The following GATAD2A variants were observed in gnomAD, a reference collection of about 807,000 sequenced individuals.
GATAD2A encodes the protein transcriptional repressor p66-alpha.
A neutral mutation model predicts 68.5 loss-of-function variants in GATAD2A; 12 were observed. The observed-to-expected ratio is 0.18, with a 90% CI of 0.11 to 0.28. The LOEUF is 0.28. GATAD2A is among the 10% of genes least tolerant of loss of function. The probability of loss-of-function intolerance (pLI) is 1.00; values close to 1 mark genes in which losing one functional copy is unlikely to be tolerated. For synonymous variants in GATAD2A, 410 were observed against 375.3 expected, an observed-to-expected ratio of 1.09 and a Z score of -1.07; for missense variants, 755 against 868.5, an observed-to-expected ratio of 0.87 and a Z score of 1.64.
chr19:19,438,008 T>A (rs190783494), intron 1 of GATAD2A, among the ~76,000 whole-genome samples: 191 of 152,322 alleles, frequency 1.3e-3, no homozygotes, highest in Non-Finnish European at 2.0e-3. Flanking sequence ...CAGACTGTTA[T>A]CCATGGCGCC....
chr19:19,429,338 G>A (rs886605739), intron 1 of GATAD2A: 7 of 574,136 alleles, frequency 1.2e-5, no homozygotes, highest in South Asian at 1.5e-4. Context: ...CCATGGGAAC[G>A]GTGCGTGCAA....
At chr19:19,407,308 C>G (rs1454188045) in intron 1 of GATAD2A, among the ~76,000 whole-genome samples, 1 of 152,210 alleles carries the variant, frequency 6.6e-6, no homozygotes, top group Non-Finnish European at 1.5e-5. Flanking sequence ...TTTGTCAGAC[C>G]TGACCACAAG....
chr19:19,462,325 C>G (rs1475650892), intron 1 of GATAD2A, among the ~76,000 whole-genome samples: 1 of 152,236 alleles, frequency 6.6e-6, no homozygotes, highest in Non-Finnish European at 1.5e-5. Context: ...TGGCCAGTAG[C>G]AGGCCCTGCG....
At chr19:19,450,504 G>T (rs1274772562) in intron 1 of GATAD2A, among the ~76,000 whole-genome samples, 2 of 152,092 alleles carry the variant, frequency 1.3e-5, no homozygotes. Context: ...AATTGGATGT[G>T]TGCTGCTCAT....
At chr19:19,452,491 T>C (rs571789680) in intron 1 of GATAD2A, among the ~76,000 whole-genome samples, 20 of 152,226 alleles carry the variant, frequency 1.3e-4, no homozygotes, top group African/African-American at 4.6e-4. Flanking sequence ...CATCAGCCTC[T>C]CAACCAGGCA....
At chr19:19,493,823 C>T (rs1271049566) in intron 4 of GATAD2A, among the ~76,000 whole-genome samples, 1 of 142,696 alleles carries the variant, frequency 7.0e-6, no homozygotes, top group African/African-American at 2.6e-5. Flanking sequence ...ATTTCTTTGT[C>T]ACTTGTCGAA....
chr19:19,495,717 C>T (rs759137419), intron 5 of GATAD2A, 37 bp from the exon 6 acceptor site: 16 of 1,574,462 alleles, frequency 1.0e-5, no homozygotes, highest in Non-Finnish European at 1.3e-5. Context: ...TGGGGGGGTC[C>T]GGTCCATGTA....
At chr19:19,393,034 G>A (rs1163797690) in intron 1 of GATAD2A, among the ~76,000 whole-genome samples, 2 of 152,182 alleles carry the variant, frequency 1.3e-5, no homozygotes, top group African/African-American at 2.4e-5. Context: ...GGCCAGGTGC[G>A]GTGGCTTACG....
At chr19:19,444,668 T>G (rs1017570278) in intron 1 of GATAD2A, among the ~76,000 whole-genome samples, 2 of 152,026 alleles carry the variant, frequency 1.3e-5, no homozygotes, top group African/African-American at 4.8e-5. Context: ...CCCAGGAATT[T>G]GAGACCACCC....
At chr19:19,500,707 C>G (rs994183637) in intron 8 of GATAD2A, among the ~76,000 whole-genome samples, 1 of 152,236 alleles carries the variant, frequency 6.6e-6, no homozygotes, top group Non-Finnish European at 1.5e-5. Flanking sequence ...GTCACTTGGT[C>G]TCTCTTGGCC....
intron 1 of GATAD2A, among the ~76,000 whole-genome samples, chr19:19,432,463 G>A (rs1386283011): frequency 1.3e-5 from 2 of 152,196 alleles, no homozygotes; most frequent in East Asian, 1.9e-4. Flanking sequence ...CATCATGCCC[G>A]GCTAATTTTG....
intron 1 of GATAD2A, among the ~76,000 whole-genome samples, chr19:19,445,822 G>A (rs1450957053): frequency 6.6e-6 from 1 of 152,184 alleles, no homozygotes; most frequent in South Asian, 2.1e-4. Context: ...ATCCATTGAT[G>A]GACATTTGGG....
At chr19:19,487,325 C>G (rs2059506178) in intron 2 of GATAD2A, among the ~76,000 whole-genome samples, 1 of 152,172 alleles carries the variant, frequency 6.6e-6, no homozygotes, top group African/African-American at 2.4e-5. Context: ...CCACACCCAC[C>G]TGAAGGAGGT....
chr19:19,425,154 C>G (rs2052926232), intron 1 of GATAD2A, among the ~76,000 whole-genome samples: 1 of 151,520 alleles, frequency 6.6e-6, no homozygotes, highest in African/African-American at 2.4e-5. Flanking sequence ...GTGAACAAAA[C>G]CCAGCCACTG....
In GATAD2A at chr19:19,501,969, G is replaced by A; in HGVS notation, c.1504G>A (p.Val502Ile). The A allele has an allele frequency of 1.2e-6, 2 of 1,613,604 alleles. No individual in the cohort carries two copies. Among genetic ancestry groups the A allele is most frequent in the South Asian group, 2.2e-5 (2 of 91,076 alleles). Residue 502 changes from valine (V) to isoleucine (I), a missense_variant and splice_region_variant, in exon 10 of 12, where the codon GTC (valine) becomes ATC (isoleucine). Transcript: ENST00000683918. ...TTGCTTTCAACCCCCGTTTGTGTAG[G>A]TCATAAAACCCCGGCGTAAGTTGGC... is the stretch of plus-strand genomic sequence containing the variant. ...TAAPHPVLKQ[V>I]IKPRRKLAFR...
chr19:19,478,580 T>C (rs985324250), intron 2 of GATAD2A, among the ~76,000 whole-genome samples: 23 of 150,100 alleles, frequency 1.5e-4, no homozygotes, highest in African/African-American at 5.4e-4. Context: ...GGCGACAGAG[T>C]GAGACTCTGT....
chr19:19,425,876 A>C (rs1600091475), intron 1 of GATAD2A, among the ~76,000 whole-genome samples: 1 of 149,662 alleles, frequency 6.7e-6, no homozygotes, highest in African/African-American at 2.5e-5. Flanking sequence ...TGCATCCTCC[A>C]CCTCCTGGGC....
In GATAD2A at chr19:19,501,151, G is replaced by C. The variant is rs764295856; in HGVS notation, c.1238G>C (p.Arg413Pro). The change falls in exon 9 of 12, where the codon CGG becomes CCG. Residue 413 changes from arginine to proline, a missense_variant. Coordinates refer to ENST00000683918, the MANE Select transcript of GATAD2A (RefSeq NM_001384528.1). ...ATGTCGGCCGCCACTGTGCTGTCCC[G>C]GGAGCCCTACATGTGTGCACAGTGC... Reference protein sequence around the residue: ...GRMSAATVLSREPYMCAQCKT... With the variant: ...GRMSAATVLSPEPYMCAQCKT... 1 of 1,612,944 alleles carries C rather than the reference G, an allele frequency of 6.2e-7. No individual in the cohort carries two copies. The highest frequency in any genetic ancestry group is 1.7e-5 in the Admixed American group (1 of 60,012).
In GATAD2A at chr19:19,430,932, C is replaced by T. The variant is rs75180776; in HGVS notation, c.-7+24913C>T. On this transcript the variant is annotated intron_variant, in intron 1 of 11. Coordinates refer to ENST00000683918, the MANE Select transcript of GATAD2A (RefSeq NM_001384528.1). ...ACCTTCTCACCAAGGCTGATCTTCC[C>T]TCAGTTTGAGAAGTCCTTGTGTTTG... Among the ~76,000 whole-genome samples, 233 of 151,532 alleles carry T rather than the reference C, an allele frequency of 1.5e-3. 9 individuals are homozygous for T. In the East Asian group the frequency reaches 0.041, roughly 27 times the overall value.
Sources: gnomAD v4.1 joint callset for allele counts (sites outside exome capture counted in the v4.1 genomes callset) on GRCh38, gnomAD v4.1.1 for gene constraint, MANE v1.5 for transcripts, NCBI Gene and HGNC (gene_info 2026-07-23, HGNC 2026-07-21) for gene names.